The following CATSPER2 variants were observed in gnomAD, a reference collection of about 807,000 sequenced individuals.
The protein encoded by CATSPER2 is cation channel sperm-associated protein 2.
In CATSPER2, 56 loss-of-function variants were observed where a neutral mutation model predicts 68.8. The ratio of observed to expected loss-of-function variants is 0.81; its 90% CI spans 0.66 to 1.02. The LOEUF (loss-of-function observed/expected upper bound fraction) is 1.02. Among genes scored for constraint, CATSPER2 ranks in the 50% least tolerant of loss-of-function variants. The pLI is 0.00. For synonymous variants in CATSPER2, 198 were observed against 229.9 expected (o/e 0.86, Z 1.26); for missense variants, 582 against 642.0 (o/e 0.91, Z 1.01).
In CATSPER2 at chr15:43,639,076, C is replaced by T. The variant is rs2086021781; in HGVS notation, c.718-48G>A. On this transcript the variant is annotated intron_variant, in intron 6 of 12. Coordinates refer to ENST00000396879, the MANE Select transcript of CATSPER2 (RefSeq NM_172095.4). ...CAGATGTGGGCCAAACTAGGCTGAT[C>T]TCCACCAACAGCCCAGTCAAGCTCA... is the stretch of plus-strand genomic sequence containing the variant. The T allele has an allele frequency of 3.1e-6, 5 of 1,604,914 alleles. No individual in the cohort carries two copies. In the East Asian group the frequency reaches 1.1e-4, roughly 36 times the overall value.
chr15:43,647,429 G>A lies in CATSPER2; in HGVS notation c.184C>T (p.His62Tyr), dbSNP rs1218006237. The A allele has an allele frequency of 2.5e-6, 4 of 1,613,624 alleles. No individual in the cohort carries two copies. The Admixed American group carries it at 6.7e-5, about 27-fold the overall frequency. The change falls in exon 3 of 13, where the codon CAC (histidine) becomes TAC (tyrosine). Residue 62 changes from histidine (H) to tyrosine (Y), a missense_variant. Physicochemically the swap from His to Tyr is moderately conservative, Grantham distance 83. This residue lies in a region of CATSPER2 where 197 missense variants were observed against 191.0 expected (regional missense o/e 1.03). Transcript: ENST00000396879. Reference protein sequence around the residue: ...RQKKLVLGDQHQLVRFSIKPQ... With the variant: ...RQKKLVLGDQYQLVRFSIKPQ... Reference sequence around the variant, plus strand: ...TTTATAGAGAAACGCACTAGCTGGTGTTGATCTCCCAATACAAGTTTCTTC... The same window carrying A: ...TTTATAGAGAAACGCACTAGCTGGTATTGATCTCCCAATACAAGTTTCTTC...
chr15:43,640,295 A>G, intron 5 of CATSPER2, 29 bp downstream of exon 5: 2 of 1,608,594 alleles, frequency 1.2e-6, no homozygotes, highest in Non-Finnish European at 1.7e-6. Context: ...TCATCCCACT[A>G]AACGAACCCT....
At chr15:43,644,935 A>T (rs1346948259) in intron 4 of CATSPER2, among the ~76,000 whole-genome samples, 1 of 152,076 alleles carries the variant, frequency 6.6e-6, no homozygotes, top group African/African-American at 2.4e-5. Context: ...TAAGTAAGTT[A>T]GTTCAAAATC....
chr15:43,633,389 C>A (rs2085909404), intron 10 of CATSPER2: 2 of 209,712 alleles, frequency 9.5e-6, no homozygotes, highest in Non-Finnish European at 9.7e-6. Flanking sequence ...GCACCCATAA[C>A]CCTACAGGAT....
At chr15:43,644,253 AT>A (rs1197160740) in intron 4 of CATSPER2, among the ~76,000 whole-genome samples, 1 of 151,998 alleles carries the variant, frequency 6.6e-6, no homozygotes, top group Admixed American at 6.6e-5. Flanking sequence ...TATCATATGA[AT>A]TAGTCTGTTC....
chr15:43,640,747 C>CA (rs1248981466), intron 4 of CATSPER2, among the ~76,000 whole-genome samples: 1 of 151,692 alleles, frequency 6.6e-6, no homozygotes, highest in Non-Finnish European at 1.5e-5. Flanking sequence ...AGCTACAAGT[C>CA]ACTTGCGATC....
chr15:43,635,409 T>C lies in CATSPER2; in HGVS notation c.1129A>G (p.Asn377Asp). 6.2e-7 allele frequency: 1 copy of C among 1,609,506 alleles called. No homozygotes were observed. The highest frequency in any genetic ancestry group is 8.5e-7 in the Non-Finnish European group (1 of 1,179,344). ...FKRQIIQRRK[N>D]MSHEALTSSH... ...GACGTCAGTGCTTCATGTGACATGT[T>C]TTTTCTCCTGCAGAGCAAAAAAAAA... Residue 377 changes from asparagine (N) to aspartate (D), a missense_variant, in exon 10 of 13, where the codon AAC (asparagine) becomes GAC (aspartate). Asn to Asp is a conservative substitution (Grantham distance 23, BLOSUM62 1). Transcript: ENST00000396879.
At chr15:43,638,863 A>C (rs2086015410) in intron 7 of CATSPER2, 41 bp downstream of exon 7, 1 of 1,610,494 alleles carries the variant, frequency 6.2e-7, no homozygotes, top group South Asian at 1.1e-5. Context: ...TCTCTTAGCC[A>C]AATTTTCTCC....
intron 7 of CATSPER2, among the ~76,000 whole-genome samples, chr15:43,637,451 C>T (rs1047650095): frequency 1.3e-5 from 2 of 151,762 alleles, no homozygotes; most frequent in African/African-American, 4.8e-5. Context: ...AACATGAGAG[C>T]TTTTATAGGA....
intron 4 of CATSPER2, among the ~76,000 whole-genome samples, chr15:43,643,925 T>G (rs2086115595): frequency 6.6e-6 from 1 of 151,942 alleles, no homozygotes; most frequent in African/African-American, 2.4e-5. Context: ...CATAGCTCAC[T>G]GCTGCCTCAA....
chr15:43,631,830 T>C (rs2085877238), intron 12 of CATSPER2, among the ~76,000 whole-genome samples: 2 of 151,916 alleles, frequency 1.3e-5, no homozygotes, highest in Non-Finnish European at 2.9e-5. Flanking sequence ...TGAAATGCAA[T>C]CTTCAGAGAG....
intron 4 of CATSPER2, 114 bp downstream of exon 4, chr15:43,646,936 C>T (rs564530012): frequency 1.3e-5 from 12 of 892,728 alleles, no homozygotes; most frequent in Non-Finnish European, 1.7e-5. Context: ...AGGCTGGTCT[C>T]CAACTCCTGA....
intron 4 of CATSPER2, chr15:43,642,417 AT>A (rs2086092201): frequency 6.7e-6 from 1 of 148,952 alleles, no homozygotes; most frequent in Admixed American, 6.8e-5. Flanking sequence ...CATGATTTTT[AT>A]TTCTTATTGG....
At chr15:43,633,092 T>A (rs1184052853) in intron 10 of CATSPER2, 158 bp from the exon 11 acceptor site, 10 of 864,228 alleles carry the variant, frequency 1.2e-5, no homozygotes, top group Admixed American at 5.4e-5. Flanking sequence ...CCAACCTCAA[T>A]CATTCATGTG....
chr15:43,639,203 A>C (rs928234188), intron 6 of CATSPER2, among the ~76,000 whole-genome samples, 175 bp from the exon 7 acceptor site: 1 of 151,148 alleles, frequency 6.6e-6, no homozygotes, highest in Admixed American at 6.6e-5. Context: ...AACATTTCAC[A>C]GGACGTTTCA....
intron 4 of CATSPER2, 43 bp from the exon 5 acceptor site, chr15:43,640,539 G>A (rs956067727): frequency 6.2e-7 from 1 of 1,612,268 alleles, no homozygotes; most frequent in Admixed American, 1.7e-5. Flanking sequence ...TAAGGAAGCT[G>A]GAAACCGAAT....
At position 43,648,741 on chromosome 15, in the gene CATSPER2, G is replaced by C; in HGVS notation, c.-115C>G. The C allele has an allele frequency of 6.6e-7, 1 of 1,521,804 alleles. No individual in the cohort carries two copies. The highest frequency in any genetic ancestry group is 8.8e-7 in the Non-Finnish European group (1 of 1,139,090). The allele number at this position is 1,521,804 out of a possible 1,614,324, so 94.3% of individuals were successfully genotyped here. A position where few individuals can be genotyped will look rare whatever the true frequency, so the allele number is the denominator to read the frequency against. ...AAGACGAGCTCAGGGCCGGCTCCCA[G>C]CCTCACTGCGCCCCATTCCCCGCCC... On this transcript the variant is annotated 5_prime_UTR_variant, in exon 1 of 13. Transcript: ENST00000396879.
intron 4 of CATSPER2, among the ~76,000 whole-genome samples, chr15:43,642,089 T>G (rs941226009): frequency 1.4e-5 from 2 of 144,476 alleles, no homozygotes; most frequent in African/African-American, 2.8e-5. Flanking sequence ...TTAACATACA[T>G]GAAATTAGGA....
chr15:43,635,778 C>T lies in CATSPER2; in HGVS notation c.1070G>A (p.Arg357His), dbSNP rs376517321. The stretch of plus-strand genomic sequence containing the variant: ...GTCAGCTTTGAGCTGAACCTCCCGA[C>T]GCGCCATCTCCTCATTCAGCTCTTT... ...IRKELNEEMA[R>H]REVQLKADMF... Residue 357 changes from arginine to histidine, a missense_variant, in exon 9 of 13, where the codon CGT (arginine) becomes CAT (histidine). Around this residue, in one of 5 missense-constraint regions of CATSPER2, gnomAD observed 235 missense variants for 264.2 expected, o/e 0.89. Transcript: ENST00000396879. 6.3e-5 allele frequency: 101 copies of T among 1,613,466 alleles called. 4 individuals carry two copies. The highest frequency in any genetic ancestry group is 1.7e-4 in the Middle Eastern group (1 of 5,996).
Sources: allele counts gnomAD v4.1 joint callset (sites outside exome capture counted in the v4.1 genomes callset), GRCh38; gene constraint gnomAD v4.1.1; regional missense constraint gnomAD v4.1.1; transcripts MANE v1.5; gene names NCBI Gene and HGNC (gene_info 2026-07-23, HGNC 2026-07-21).